Variants in NAALADL2 observed in about 807,000 individuals in gnomAD.
The protein encoded by NAALADL2 is inactive N-acetylated-alpha-linked acidic dipeptidase-like protein 2.
NAALADL2 carries 76 observed loss-of-function variants against 87.2 expected under a neutral mutation model. The ratio of observed to expected loss-of-function variants is 0.87; its 90% CI spans 0.72 to 1.05. The LOEUF (loss-of-function observed/expected upper bound fraction) is 1.05. Among genes scored for constraint, NAALADL2 ranks in the 50% least tolerant of loss-of-function variants. The probability of loss-of-function intolerance (pLI) is 0.00; values close to 1 mark genes in which losing one functional copy is unlikely to be tolerated. For synonymous variants in NAALADL2, 354 were observed against 331.0 expected (o/e 1.07, Z -0.75); for missense variants, 1,089 against 945.8 (o/e 1.15, Z -1.99).
intron 1 of NAALADL2, among the ~76,000 whole-genome samples, chr3:174,966,001 G>A (rs1185577094): frequency 6.6e-6 from 1 of 152,102 alleles, no homozygotes; most frequent in Non-Finnish European, 1.5e-5. Flanking sequence ...TGGCTTTTGT[G>A]AGTGCCCATT....
Position 175,462,795 on chromosome 3 carries a change from A to G in NAALADL2, c.1235-606A>G, listed in dbSNP as rs139176034. On this transcript the variant is annotated intron_variant, in intron 6 of 13. Coordinates refer to ENST00000454872, the MANE Select transcript of NAALADL2 (RefSeq NM_207015.3). The stretch of plus-strand genomic sequence containing the variant: ...ATATCAAACATAAACAGAAAAATTC[A>G]AAAAGGTAGAGCGATTAGTACAGAT... 1.9e-3 allele frequency among the ~76,000 whole-genome samples: 283 copies of G among 152,358 alleles called. 2 individuals carry two copies. Among genetic ancestry groups the G allele is most frequent in the African/African-American group, 6.4e-3 (265 of 41,588 alleles).
chr3:174,491,790 A>T (rs565907319), intron 1 of NAALADL2, among the ~76,000 whole-genome samples: 2 of 152,276 alleles, frequency 1.3e-5, no homozygotes, highest in South Asian at 4.1e-4. Flanking sequence ...TTGTCTATCA[A>T]CGTTTTCCCA....
At chr3:175,766,621 TTCTC>T (rs747618900) in intron 13 of NAALADL2, among the ~76,000 whole-genome samples, 3 of 152,204 alleles carry the variant, frequency 2.0e-5, no homozygotes, top group Non-Finnish European at 2.9e-5. Context: ...TAGCATTTGT[TTCTC>T]TCTCCTTTAT....
At chr3:175,051,908 G>A (rs895846480) in intron 1 of NAALADL2, among the ~76,000 whole-genome samples, 20 of 152,166 alleles carry the variant, frequency 1.3e-4, no homozygotes, top group African/African-American at 4.6e-4. Context: ...GGCATTTGCC[G>A]AGACCAGCTC....
intron 9 of NAALADL2, among the ~76,000 whole-genome samples, chr3:175,536,011 C>A (rs1460742998): frequency 6.6e-6 from 1 of 152,088 alleles, no homozygotes; most frequent in Non-Finnish European, 1.5e-5. Flanking sequence ...GATATTGTAT[C>A]CCAGATCGAT....
At chr3:175,102,976 G>C (rs1430262946) in intron 2 of NAALADL2, among the ~76,000 whole-genome samples, 1 of 152,004 alleles carries the variant, frequency 6.6e-6, no homozygotes, top group Non-Finnish European at 1.5e-5. Flanking sequence ...GGGCATGGTG[G>C]CATGGGCCTG....
At chr3:175,250,882 G>C (rs1456863479) in intron 3 of NAALADL2, among the ~76,000 whole-genome samples, 3 of 152,108 alleles carry the variant, frequency 2.0e-5, no homozygotes, top group Non-Finnish European at 4.4e-5. Context: ...CTGTGTAATA[G>C]TACATTTCTT....
chr3:175,319,982 C>A (rs906413719), intron 4 of NAALADL2, among the ~76,000 whole-genome samples: 2 of 152,142 alleles, frequency 1.3e-5, no homozygotes, highest in Non-Finnish European at 2.9e-5. Flanking sequence ...TTGCTTACTC[C>A]ACTGCAAAAG....
chr3:174,501,156 G>A (rs1718860641), intron 1 of NAALADL2, among the ~76,000 whole-genome samples: 1 of 135,216 alleles, frequency 7.4e-6, no homozygotes, highest in Admixed American at 7.4e-5. Flanking sequence ...TCGGCTCACT[G>A]CAAGCTCCGC....
chr3:174,919,941 T>C (rs559367941), intron 1 of NAALADL2, among the ~76,000 whole-genome samples: 80 of 152,306 alleles, frequency 5.3e-4, no homozygotes, highest in African/African-American at 1.9e-3. Context: ...GGTGACCAGA[T>C]GCATCGTCAA....
chr3:175,232,224 A>AGAG (rs1298117313), intron 2 of NAALADL2, among the ~76,000 whole-genome samples: 22 of 138,386 alleles, frequency 1.6e-4, no homozygotes, highest in Non-Finnish European at 2.1e-4. Context: ...GAGAAGAAGA[A>AGAG]GAAGAGGAAG....
intron 3 of NAALADL2, among the ~76,000 whole-genome samples, chr3:174,755,050 TG>T (rs750108098): frequency 3.9e-5 from 6 of 152,182 alleles, no homozygotes; most frequent in Non-Finnish European, 7.4e-5. Context: ...AATCCCCACT[TG>T]TCAAGGGAGA....
intron 3 of NAALADL2, among the ~76,000 whole-genome samples, chr3:174,799,445 A>G (rs1309665773): frequency 6.6e-6 from 1 of 152,102 alleles, no homozygotes; most frequent in African/African-American, 2.4e-5. Context: ...TGATGGTTTG[A>G]TAAAGAGGAG....
At chr3:174,772,493 T>C (rs1714695497) in intron 3 of NAALADL2, among the ~76,000 whole-genome samples, 1 of 152,172 alleles carries the variant, frequency 6.6e-6, no homozygotes, top group African/African-American at 2.4e-5. Flanking sequence ...TGTAGTGCTC[T>C]TAATCTCACT....
chr3:175,048,612 A>T (rs1490997993), intron 1 of NAALADL2, among the ~76,000 whole-genome samples: 2 of 151,872 alleles, frequency 1.3e-5, no homozygotes, highest in East Asian at 3.9e-4. Flanking sequence ...CTCAGGAACC[A>T]TTTATGCATC....
intron 2 of NAALADL2, among the ~76,000 whole-genome samples, chr3:175,201,701 A>T (rs556491845): frequency 2.0e-5 from 3 of 151,718 alleles, no homozygotes; most frequent in Non-Finnish European, 2.9e-5. Context: ...TTCCTTTTGT[A>T]TGCTTTCTAC....
At chr3:175,271,758 G>A (rs992579947) in intron 4 of NAALADL2, among the ~76,000 whole-genome samples, 16 of 152,212 alleles carry the variant, frequency 1.1e-4, no homozygotes, top group Non-Finnish European at 2.1e-4. Flanking sequence ...TCGTGCCACT[G>A]CACTCCTGCC....
chr3:175,522,404 C>T (rs1732776433), intron 9 of NAALADL2, among the ~76,000 whole-genome samples: 1 of 152,144 alleles, frequency 6.6e-6, no homozygotes, highest in Admixed American at 6.5e-5. Context: ...ATGAAGGCCC[C>T]ACTGAGGTCA....
chr3:175,802,258 C>G (rs1328691421), intron 13 of NAALADL2, among the ~76,000 whole-genome samples: 1 of 151,740 alleles, frequency 6.6e-6, no homozygotes, highest in Non-Finnish European at 1.5e-5. Flanking sequence ...CAGTTTTGCA[C>G]TACTTCTCAT....
Sources: gnomAD v4.1 joint callset for allele counts (sites outside exome capture counted in the v4.1 genomes callset) on GRCh38, gnomAD v4.1.1 for gene constraint, MANE v1.5 for transcripts, NCBI Gene and HGNC (gene_info 2026-07-23, HGNC 2026-07-21) for gene names.